The following PGCKA1 variants were observed in gnomAD, a reference collection of about 807,000 sequenced individuals.
PGCKA1 encodes PDCD10 and GCKIII kinases associated 1.
At chr4:37,560,666 T>G in the PGCKA1 span, among the ~76,000 whole-genome samples, 1 of 152,140 alleles carries the variant, frequency 6.6e-6, no homozygotes, top group Non-Finnish European at 1.5e-5. Flanking sequence ...AACTCACAGC[T>G]TACAGTCTTC....
chr4:37,526,651 T>C, the PGCKA1 span, among the ~76,000 whole-genome samples: 1 of 152,216 alleles, frequency 6.6e-6, no homozygotes, highest in Non-Finnish European at 1.5e-5. Context: ...AAATTACTAC[T>C]GCCTAGTGAC....
the PGCKA1 span, among the ~76,000 whole-genome samples, chr4:37,563,313 G>A: frequency 6.5e-3 from 983 of 152,254 alleles, 12 homozygotes; most frequent in African/African-American, 0.023. Context: ...CGGCAAATTC[G>A]ATTCCCGGGA....
chr4:37,492,127 C>T, the PGCKA1 span, among the ~76,000 whole-genome samples: 5 of 151,820 alleles, frequency 3.3e-5, no homozygotes, highest in Admixed American at 1.3e-4. This position sits in a 1 kb window ranked among gnomAD's most constrained non-coding sequence, Gnocchi z 4.7. Flanking sequence ...CTGCAACCTC[C>T]GCCTCCCAGG....
the PGCKA1 span, among the ~76,000 whole-genome samples, chr4:37,517,989 C>T: frequency 1.3e-5 from 2 of 152,096 alleles, 1 homozygote; most frequent in South Asian, 4.1e-4. Flanking sequence ...TTTTTAGATC[C>T]CACAAATAAG....
the PGCKA1 span, among the ~76,000 whole-genome samples, chr4:37,529,060 A>G: frequency 3.3e-5 from 5 of 152,174 alleles, no homozygotes; most frequent in Admixed American, 6.5e-5. Context: ...TTGTGCTTTT[A>G]TTTCAATTTA....
the PGCKA1 span, among the ~76,000 whole-genome samples, chr4:37,533,805 G>C: frequency 2.8e-3 from 433 of 152,278 alleles, 4 homozygotes; most frequent in African/African-American, 1.0e-2. Context: ...ATCTATGTTC[G>C]CAAAGTCTTT....
the PGCKA1 span, among the ~76,000 whole-genome samples, chr4:37,464,453 A>G: frequency 6.6e-6 from 1 of 152,206 alleles, no homozygotes; most frequent in Non-Finnish European, 1.5e-5. Context: ...TACTTCCTCT[A>G]ATGTGTGTCT....
At chr4:37,475,285 G>C in the PGCKA1 span, among the ~76,000 whole-genome samples, 1 of 151,958 alleles carries the variant, frequency 6.6e-6, no homozygotes, top group African/African-American at 2.4e-5. Flanking sequence ...TAGAAACAAT[G>C]CTCCTTTTTT....
chr4:37,520,902 C>T, the PGCKA1 span, among the ~76,000 whole-genome samples: 1 of 152,260 alleles, frequency 6.6e-6, no homozygotes, highest in African/African-American at 2.4e-5. Flanking sequence ...CAGGCGTGAG[C>T]CACTGCGCCC....
the PGCKA1 span, among the ~76,000 whole-genome samples, chr4:37,481,843 C>T: frequency 3.3e-5 from 5 of 152,170 alleles, no homozygotes; most frequent in Admixed American, 6.5e-5. Flanking sequence ...GGAAAGGACC[C>T]GGTGGCAGGT....
At chr4:37,537,820 T>C in the PGCKA1 span, among the ~76,000 whole-genome samples, 1 of 152,214 alleles carries the variant, frequency 6.6e-6, no homozygotes, top group East Asian at 1.9e-4. Flanking sequence ...ATATTAGTTG[T>C]GTAACCTTAT....
the PGCKA1 span, among the ~76,000 whole-genome samples, chr4:37,555,808 A>C: frequency 3.9e-5 from 6 of 152,216 alleles, no homozygotes; most frequent in East Asian, 1.2e-3. Flanking sequence ...TTTCACCCAG[A>C]ACCCTTCACC....
the PGCKA1 span, among the ~76,000 whole-genome samples, chr4:37,525,222 T>C: frequency 0.5 from 76,320 of 151,962 alleles, 20,031 homozygotes; most frequent in African/African-American, 0.64. Context: ...TATAGCAACC[T>C]GGTAAGTAGG....
chr4:37,461,255 C>T, the PGCKA1 span, among the ~76,000 whole-genome samples: 1 of 152,030 alleles, frequency 6.6e-6, no homozygotes. Flanking sequence ...AGCGTGATGC[C>T]TCCACCTTTG....
chr4:37,459,839 T>A, the PGCKA1 span, among the ~76,000 whole-genome samples: 71 of 99,736 alleles, frequency 7.1e-4, no homozygotes, highest in Middle Eastern at 6.1e-3. Flanking sequence ...TTTTTAATTT[T>A]ATTTTATTTT....
chr4:37,549,056 T>A, the PGCKA1 span, among the ~76,000 whole-genome samples: 1 of 67,184 alleles, frequency 1.5e-5, no homozygotes, highest in Non-Finnish European at 2.9e-5. Context: ...CCGGAGTCCC[T>A]GCAGGTCAGA....
chr4:37,548,170 G>GA, the PGCKA1 span, among the ~76,000 whole-genome samples: 4 of 146,350 alleles, frequency 2.7e-5, no homozygotes, highest in Non-Finnish European at 4.5e-5. Flanking sequence ...AGTCGTGAAA[G>GA]AAAAAAAGTT....
chr4:37,553,721 T>A, the PGCKA1 span, among the ~76,000 whole-genome samples: 1 of 152,224 alleles, frequency 6.6e-6, no homozygotes, highest in Non-Finnish European at 1.5e-5. Flanking sequence ...CGTTGTTGTG[T>A]TATAATATTA....
the PGCKA1 span, among the ~76,000 whole-genome samples, chr4:37,569,765 G>A: frequency 6.6e-6 from 1 of 152,136 alleles, no homozygotes; most frequent in Non-Finnish European, 1.5e-5. Context: ...TCATAACCAT[G>A]AATTTCTTCA....
Sources: allele counts gnomAD v4.1 joint callset (sites outside exome capture counted in the v4.1 genomes callset), GRCh38; gene constraint gnomAD v4.1.1; non-coding constraint Gnocchi (gnomAD v3.1); transcripts MANE v1.5; gene names NCBI Gene and HGNC (gene_info 2026-07-23, HGNC 2026-07-21).